Variants in CPQ observed in about 807,000 individuals in gnomAD.
CPQ encodes Ser-Met dipeptidase.
Under a neutral mutation model 45.7 loss-of-function variants are expected in CPQ, and 37 were observed. That is an observed-to-expected ratio of 0.81 (90% confidence interval 0.62 to 1.07). CPQ has a LOEUF of 1.07. CPQ is among the 50% of genes least tolerant of loss of function. The pLI is 0.00. For missense variants in CPQ, 537 were observed against 572.9 expected (o/e 0.94, Z 0.64); for synonymous variants, 186 against 205.8 (o/e 0.90, Z 0.82).
intron 1 of CPQ, among the ~76,000 whole-genome samples, chr8:96,765,477 C>G (rs1810455356): frequency 6.6e-6 from 1 of 151,760 alleles, no homozygotes. Flanking sequence ...ACTAGTGCTT[C>G]TTCTTATTTA....
At chr8:96,880,895 C>G (rs766676971) in intron 4 of CPQ, among the ~76,000 whole-genome samples, 8 of 151,866 alleles carry the variant, frequency 5.3e-5, no homozygotes, top group Non-Finnish European at 1.0e-4. Flanking sequence ...TGTCCATATA[C>G]CCCCTGAATC....
chr8:96,981,392 A>G (rs1011707296), intron 5 of CPQ, among the ~76,000 whole-genome samples: 2 of 152,202 alleles, frequency 1.3e-5, no homozygotes, highest in African/African-American at 2.4e-5. Flanking sequence ...TTCAAAAGCT[A>G]TATTTCTGTT....
chr8:96,707,063 A>G (rs887659696), intron 1 of CPQ, among the ~76,000 whole-genome samples: 3 of 152,164 alleles, frequency 2.0e-5, no homozygotes, highest in African/African-American at 7.2e-5. Flanking sequence ...TCTCCTGGCA[A>G]CATATAGTTT....
At chr8:97,021,125 A>G (rs188820376) in intron 5 of CPQ, among the ~76,000 whole-genome samples, 102 of 152,332 alleles carry the variant, frequency 6.7e-4, no homozygotes, top group African/African-American at 2.4e-3. Context: ...CAAAAATTAC[A>G]TGATCATCTC....
At chr8:96,838,535 A>G (rs1811561508) in intron 3 of CPQ, among the ~76,000 whole-genome samples, 1 of 152,140 alleles carries the variant, frequency 6.6e-6, no homozygotes, top group Non-Finnish European at 1.5e-5. Context: ...CATGGAGGCT[A>G]GGAAATTTGG....
intron 7 of CPQ, among the ~76,000 whole-genome samples, chr8:97,069,858 A>C (rs1254658364): frequency 6.6e-6 from 1 of 152,126 alleles, no homozygotes. Context: ...CATGTATACT[A>C]TTTACCAAAA....
chr8:96,695,565 A>G (rs1269990974), intron 1 of CPQ, among the ~76,000 whole-genome samples: 5 of 152,220 alleles, frequency 3.3e-5, no homozygotes, highest in Non-Finnish European at 5.9e-5. Flanking sequence ...AACATCCAGA[A>G]TCTACAATGA....
intron 1 of CPQ, among the ~76,000 whole-genome samples, chr8:96,762,079 G>A (rs967947730): frequency 6.6e-6 from 1 of 152,166 alleles, no homozygotes; most frequent in Admixed American, 6.5e-5. Context: ...ACGTGCTGCT[G>A]TGGCTTTATA....
chr8:96,809,461 A>G (rs949654332), intron 2 of CPQ, among the ~76,000 whole-genome samples: 2 of 152,214 alleles, frequency 1.3e-5, no homozygotes, highest in Non-Finnish European at 2.9e-5. Flanking sequence ...TCTCAAGTGC[A>G]TTATGCTAAC....
In CPQ at chr8:96,645,378, G is replaced by C. The variant is rs903641080; in HGVS notation, c.-59G>C. 1 of 152,714 alleles carries C rather than the reference G, an allele frequency of 6.5e-6. No individual in the cohort carries two copies. The highest frequency in any genetic ancestry group is 2.4e-5 in the African/African-American group (1 of 41,478). The allele number at this position is 152,714 out of a possible 1,614,324, so 9.5% of individuals were successfully genotyped here. A position where few individuals can be genotyped will look rare whatever the true frequency, so the allele number is the denominator to read the frequency against. On this transcript the variant is annotated 5_prime_UTR_variant, in exon 1 of 8. Coordinates refer to ENST00000220763, the MANE Select transcript of CPQ (RefSeq NM_016134.4). The stretch of plus-strand genomic sequence containing the variant: ...CTTAGTCCTGGGAGCCGCCTCCGTC[G>C]CCGCCGTCAGAGCCGCCCTATCAGG...
At chr8:96,705,408 A>G (rs1024372018) in intron 1 of CPQ, among the ~76,000 whole-genome samples, 7 of 152,200 alleles carry the variant, frequency 4.6e-5, no homozygotes, top group African/African-American at 1.7e-4. Flanking sequence ...AGCGGAAAGC[A>G]GATTTTTCCT....
chr8:96,876,180 ACTT>A (rs1385859684), intron 3 of CPQ, among the ~76,000 whole-genome samples: 1 of 151,820 alleles, frequency 6.6e-6, no homozygotes, highest in Non-Finnish European at 1.5e-5. Flanking sequence ...ACCTTGATGA[ACTT>A]CTTAATTAGT....
At chr8:97,030,254 T>G (rs890964010) in intron 6 of CPQ, among the ~76,000 whole-genome samples, 4 of 152,238 alleles carry the variant, frequency 2.6e-5, no homozygotes, top group African/African-American at 9.6e-5. Context: ...GGTCTGCTGC[T>G]GCTGCTGGAT....
At chr8:97,074,595 A>G (rs1207955900) in intron 7 of CPQ, among the ~76,000 whole-genome samples, 2 of 152,190 alleles carry the variant, frequency 1.3e-5, no homozygotes, top group Non-Finnish European at 2.9e-5. Flanking sequence ...AACATGGTGA[A>G]ACCCCCTCTC....
chr8:96,671,977 G>A (rs1370838589), intron 1 of CPQ, among the ~76,000 whole-genome samples: 2 of 152,108 alleles, frequency 1.3e-5, no homozygotes, highest in African/African-American at 2.4e-5. Flanking sequence ...AGCAGGTCTT[G>A]TGATTTAGAG....
intron 5 of CPQ, among the ~76,000 whole-genome samples, chr8:96,975,664 A>C (rs1813764852): frequency 6.6e-6 from 1 of 152,136 alleles, no homozygotes; most frequent in Non-Finnish European, 1.5e-5. Flanking sequence ...TGGGTTTCAT[A>C]CTAGGGATGC....
intron 1 of CPQ, among the ~76,000 whole-genome samples, chr8:96,742,304 CT>C (rs996457256): frequency 3.9e-5 from 6 of 151,984 alleles, no homozygotes; most frequent in African/African-American, 1.5e-4. Flanking sequence ...CAACCCCTGC[CT>C]TTTTTTGTTT....
intron 7 of CPQ, among the ~76,000 whole-genome samples, chr8:97,076,174 C>T (rs1586528886): frequency 6.6e-6 from 1 of 151,930 alleles, no homozygotes; most frequent in Admixed American, 6.6e-5. Flanking sequence ...TACAGGCACA[C>T]ACCACCATGC....
chr8:96,983,414 A>G (rs920627256), intron 5 of CPQ, among the ~76,000 whole-genome samples: 9 of 152,144 alleles, frequency 5.9e-5, no homozygotes, highest in Non-Finnish European at 1.2e-4. Context: ...CTGAGCTCCA[A>G]TTTTGTTGCA....
Sources: allele counts gnomAD v4.1 joint callset (sites outside exome capture counted in the v4.1 genomes callset), GRCh38; gene constraint gnomAD v4.1.1; transcripts MANE v1.5; gene names NCBI Gene and HGNC (gene_info 2026-07-23, HGNC 2026-07-21).